The following BMPER variants were observed in gnomAD, a reference collection of about 807,000 sequenced individuals.
The protein encoded by BMPER is BMP-binding endothelial regulator protein.
BMPER carries 45 observed loss-of-function variants against 87.3 expected under a neutral mutation model. The observed-to-expected ratio is 0.52, with a 90% confidence interval of 0.41 to 0.66. BMPER has a LOEUF of 0.66. Among genes scored for constraint, BMPER ranks in the 30% least tolerant of loss-of-function variants. The pLI is 0.00. For synonymous variants in BMPER, 326 were observed against 316.2 expected, an observed-to-expected ratio of 1.03 and a Z score of -0.33; for missense variants, 784 against 867.5, an observed-to-expected ratio of 0.90 and a Z score of 1.21.
At chr7:33,942,943 G>A (rs1331757848) in intron 3 of BMPER, among the ~76,000 whole-genome samples, 2 of 152,202 alleles carry the variant, frequency 1.3e-5, no homozygotes, top group African/African-American at 4.8e-5. Context: ...GTAAATGGGA[G>A]TGGGGAGACC....
chr7:33,971,114 G>GT (rs563325118), intron 5 of BMPER, among the ~76,000 whole-genome samples: 3 of 150,418 alleles, frequency 2.0e-5, no homozygotes, highest in South Asian at 2.1e-4. Flanking sequence ...TGTTTTTTTT[G>GT]TTTTTTTGTT....
chr7:34,051,259 T>C lies in BMPER; in HGVS notation c.677-602T>C, dbSNP rs906158782. 3.3e-5 allele frequency among the ~76,000 whole-genome samples: 5 copies of C among 152,172 alleles called. No individual in the cohort carries two copies. The South Asian group carries it at 1.0e-3, about 31-fold the overall frequency. ...TTACATTGGTGATTAGAATTTACCA[T>C]ATGAATTTTGTGGAGACACAAATGT... On this transcript the variant is annotated intron_variant, in intron 7 of 14. Transcript: ENST00000649409.
At chr7:34,008,050 G>A (rs1786783042) in intron 6 of BMPER, among the ~76,000 whole-genome samples, 1 of 151,862 alleles carries the variant, frequency 6.6e-6, no homozygotes, top group African/African-American at 2.4e-5. Context: ...TTAATATTGA[G>A]TATAGTTTAA....
chr7:33,951,129 C>T (rs1352989572), intron 3 of BMPER, among the ~76,000 whole-genome samples: 2 of 151,804 alleles, frequency 1.3e-5, no homozygotes, highest in Non-Finnish European at 2.9e-5. Flanking sequence ...CTCACTGCAA[C>T]CTCTGCCTCC....
intron 3 of BMPER, among the ~76,000 whole-genome samples, chr7:33,946,729 G>A (rs1015108000): frequency 6.6e-6 from 1 of 152,208 alleles, no homozygotes; most frequent in African/African-American, 2.4e-5. Flanking sequence ...CGAAAAAGAT[G>A]CTGATATTGA....
intron 6 of BMPER, among the ~76,000 whole-genome samples, chr7:34,040,566 A>G (rs2127955344): frequency 6.6e-6 from 1 of 152,204 alleles, no homozygotes; most frequent in South Asian, 2.1e-4. Context: ...ATTCTGACCC[A>G]CTGCCTAGAT....
intron 13 of BMPER, among the ~76,000 whole-genome samples, chr7:34,125,736 C>G (rs943307393): frequency 1.1e-4 from 16 of 152,152 alleles, no homozygotes; most frequent in Admixed American, 1.0e-3. Flanking sequence ...CTTTGCAAGG[C>G]CCCAAGACAT....
At chr7:34,041,388 C>G (rs998707226) in intron 6 of BMPER, among the ~76,000 whole-genome samples, 39 of 152,104 alleles carry the variant, frequency 2.6e-4, no homozygotes, top group Non-Finnish European at 4.7e-4. Flanking sequence ...TGCTACTGTC[C>G]CCTCAGTCTG....
At chr7:34,115,317 T>TA (rs1398261397) in intron 13 of BMPER, among the ~76,000 whole-genome samples, 4 of 152,210 alleles carry the variant, frequency 2.6e-5, no homozygotes, top group Non-Finnish European at 5.9e-5. Context: ...CTTTAAAAAC[T>TA]AAAAAACACT....
rs879009755 is a variant in BMPER, at chr7:33,969,155, C to T, written c.403-1174C>T. On this transcript the variant is annotated intron_variant, in intron 4 of 14. Coordinates refer to ENST00000649409, the MANE Select transcript of BMPER (RefSeq NM_001365308.1). Reference sequence around the variant, plus strand: ...GGTTGAGATGATGTGGTAGCAGACACGATGAAGAAAATGACCTAGTTGTTA... The same window carrying T: ...GGTTGAGATGATGTGGTAGCAGACATGATGAAGAAAATGACCTAGTTGTTA... Among the ~76,000 whole-genome samples, 6 of 152,208 alleles carry T rather than the reference C, an allele frequency of 3.9e-5. No homozygotes were observed. The East Asian group carries it at 5.8e-4, about 15-fold the overall frequency.
chr7:34,088,920 C>T (rs1177804333), intron 13 of BMPER, among the ~76,000 whole-genome samples: 1 of 152,108 alleles, frequency 6.6e-6, no homozygotes, highest in African/African-American at 2.4e-5. Flanking sequence ...ACACTTCCTC[C>T]AGGTAGTGTA....
intron 13 of BMPER, among the ~76,000 whole-genome samples, chr7:34,110,678 T>C (rs946629221): frequency 2.6e-5 from 4 of 152,204 alleles, no homozygotes; most frequent in Admixed American, 6.5e-5. Context: ...ATGAGCTGCA[T>C]CTGGGAAGGG....
chr7:34,024,379 AAAACAATATATATATAT>A (rs1787289175), intron 6 of BMPER, among the ~76,000 whole-genome samples: 1 of 76,652 alleles, frequency 1.3e-5, no homozygotes, highest in African/African-American at 6.8e-5. Flanking sequence ...AAAAAAAAAA[AAAACAATATATATATAT>A]ATATATATAT....
At chr7:33,976,796 G>A (rs528196430) in intron 6 of BMPER, among the ~76,000 whole-genome samples, 9 of 152,264 alleles carry the variant, frequency 5.9e-5, no homozygotes. Context: ...TGCTGGAACT[G>A]GAAATGAGCT....
At chr7:34,148,870 C>T (rs943428713) in intron 14 of BMPER, among the ~76,000 whole-genome samples, 2 of 152,076 alleles carry the variant, frequency 1.3e-5, no homozygotes, top group Admixed American at 6.5e-5. Context: ...GGAATCCTTG[C>T]AAGACTTAAA....
chr7:34,143,125 T>C, intron 13 of BMPER, 105 bp from the exon 14 acceptor site: 1 of 1,541,632 alleles, frequency 6.5e-7, no homozygotes, highest in South Asian at 1.1e-5. Context: ...CAAATTTTAA[T>C]GGGCCAATCA....
At chr7:34,085,206 G>A (rs975635745) in intron 12 of BMPER, among the ~76,000 whole-genome samples, 16 of 152,190 alleles carry the variant, frequency 1.1e-4, no homozygotes, top group Admixed American at 5.2e-4. Flanking sequence ...CATTATATCA[G>A]TGTTGCCTTT....
At chr7:33,958,434 A>T (rs1408325552) in intron 3 of BMPER, among the ~76,000 whole-genome samples, 1 of 152,246 alleles carries the variant, frequency 6.6e-6, no homozygotes, top group Non-Finnish European at 1.5e-5. Context: ...TTTAGAACAG[A>T]GTTCAAACAT....
intron 11 of BMPER, among the ~76,000 whole-genome samples, chr7:34,077,420 C>T (rs75731972): frequency 0.24 from 37,229 of 152,086 alleles, 4,780 homozygotes; most frequent in Middle Eastern, 0.32. Flanking sequence ...TTGAGTATTA[C>T]TGCTGAGCTT....
Sources: gnomAD v4.1 joint callset for allele counts (sites outside exome capture counted in the v4.1 genomes callset) on GRCh38, gnomAD v4.1.1 for gene constraint, MANE v1.5 for transcripts, NCBI Gene and HGNC (gene_info 2026-07-23, HGNC 2026-07-21) for gene names.